CTTNBP2: variants seen among roughly 807,000 people sequenced by gnomAD.
CTTNBP2 encodes the protein cortactin binding protein 2, also known as cortactin-binding protein 2.
CTTNBP2 carries 108 observed loss-of-function variants against 156.9 expected under a neutral mutation model. The ratio of observed to expected loss-of-function variants is 0.69; its 90% confidence interval spans 0.59 to 0.81. CTTNBP2 has a LOEUF of 0.81. CTTNBP2 is among the 30% of genes least tolerant of loss of function. The pLI is 0.00. For synonymous variants in CTTNBP2, 767 were observed against 751.8 expected (o/e 1.02, Z -0.33); for missense variants, 1,924 against 2,035.4 (o/e 0.95, Z 1.05).
chr7:117,769,852 C>T (rs1584973042), intron 8 of CTTNBP2, among the ~76,000 whole-genome samples: 1 of 152,096 alleles, frequency 6.6e-6, no homozygotes, highest in South Asian at 2.1e-4. Context: ...AGGTAAGAGC[C>T]ACAACAGACC....
chr7:117,752,215 A>G lies in CTTNBP2; in HGVS notation c.3348+4340T>C, dbSNP rs538553892. ...ACTGGCATGGCACATATTGAAGTGAATGAAAAACAGGTAGAAGAAACTCAA... is the reference window on the plus strand; with the variant it reads ...ACTGGCATGGCACATATTGAAGTGAGTGAAAAACAGGTAGAAGAAACTCAA... On this transcript the variant is annotated intron_variant, in intron 12 of 22. Coordinates refer to ENST00000160373, the MANE Select transcript of CTTNBP2 (RefSeq NM_033427.3). 3.2e-4 allele frequency among the ~76,000 whole-genome samples: 48 copies of G among 152,278 alleles called. 1 individual carries two copies. In the South Asian group the frequency reaches 9.5e-3, roughly 30 times the overall value.
chr7:117,718,793 G>A (rs1384446747), intron 21 of CTTNBP2, among the ~76,000 whole-genome samples: 1 of 152,148 alleles, frequency 6.6e-6, no homozygotes, highest in African/African-American at 2.4e-5. Context: ...TATAACATAA[G>A]TCTGCTGTGA....
At chr7:117,864,680 A>C (rs904307217) in intron 1 of CTTNBP2, among the ~76,000 whole-genome samples, 1 of 107,026 alleles carries the variant, frequency 9.3e-6, no homozygotes, top group African/African-American at 2.9e-5. Context: ...TCATATATTT[A>C]TATATATTCA....
intron 14 of CTTNBP2, among the ~76,000 whole-genome samples, chr7:117,743,761 C>CAAAAA (rs556372208): frequency 0.011 from 216 of 19,626 alleles, 4 homozygotes; most frequent in Non-Finnish European, 0.013. Flanking sequence ...GACTCTGTCT[C>CAAAAA]AAAAAAAAAA....
At chr7:117,819,367 T>TCACACACA (rs71529472) in intron 2 of CTTNBP2, among the ~76,000 whole-genome samples, 76 of 130,694 alleles carry the variant, frequency 5.8e-4, no homozygotes, top group Non-Finnish European at 9.9e-4. Context: ...TCTCTCTCTC[T>TCACACACA]CACACACACA....
At chr7:117,797,075 A>G (rs1388959743) in intron 3 of CTTNBP2, among the ~76,000 whole-genome samples, 1 of 152,232 alleles carries the variant, frequency 6.6e-6, no homozygotes, top group Non-Finnish European at 1.5e-5. Flanking sequence ...GCTGGAGGCA[A>G]TTCCCTATTC....
Position 117,791,414 on chromosome 7 carries a change from C to G in CTTNBP2, c.1782G>C (p.Gly594=). ...VASTPSSLPQ[G]NRVINEENLP... is the part of the protein sequence containing the mutation. ...GGTTCTCCTCATTGATCACCCTGTT[C>G]CCTTGTGGCAAACTGGAAGGAGTCG... The change falls in exon 4 of 23, where the codon GGG becomes GGC. Residue 594 remains glycine, a synonymous_variant. Transcript: ENST00000160373. The G allele has an allele frequency of 6.2e-7, 1 of 1,614,166 alleles. No individual in the cohort carries two copies. The highest frequency in any genetic ancestry group is 8.5e-7 in the Non-Finnish European group (1 of 1,180,036).
chr7:117,872,939 C>T (rs970274319), intron 1 of CTTNBP2, among the ~76,000 whole-genome samples: 2 of 152,126 alleles, frequency 1.3e-5, no homozygotes, highest in African/African-American at 2.4e-5. Flanking sequence ...CTGGCAACCA[C>T]GCGCGCAGCG....
intron 22 of CTTNBP2, among the ~76,000 whole-genome samples, chr7:117,715,559 G>A (rs1794305935): frequency 6.6e-6 from 1 of 150,568 alleles, no homozygotes; most frequent in Admixed American, 6.6e-5. Context: ...GGATTAGTTT[G>A]GATTTACATA....
chr7:117,721,104 G>C lies in CTTNBP2; in HGVS notation c.4474C>G (p.Leu1492Val), dbSNP rs1794765176. 1 of 1,604,728 alleles carries C rather than the reference G, an allele frequency of 6.2e-7. No homozygotes were observed. Among genetic ancestry groups the C allele is most frequent in the Non-Finnish European group, 8.5e-7 (1 of 1,171,618 alleles). The change falls in exon 20 of 23, where the codon CTG (leucine) becomes GTG (valine). Residue 1492 changes from leucine (L) to valine (V), a missense_variant. Transcript: ENST00000160373. ...AGAGAAGCATTCCTGTTACAATTCA[G>C]CTGTGATATAGTCTTATTTTTCATA... ...EGMKNKTISQ[L>V]NCNRNASLSK...
intron 2 of CTTNBP2, among the ~76,000 whole-genome samples, chr7:117,813,188 T>C (rs1800388422): frequency 6.6e-6 from 1 of 152,216 alleles, no homozygotes; most frequent in Admixed American, 6.5e-5. Context: ...ATGAAGTGCC[T>C]GGTGATTTCT....
intron 1 of CTTNBP2, among the ~76,000 whole-genome samples, chr7:117,865,677 A>C (rs1242949166): frequency 2.1e-5 from 3 of 145,966 alleles, no homozygotes; most frequent in Admixed American, 6.7e-5. Context: ...TCTCCAAAAA[A>C]AAAAAAAAAA....
At chr7:117,821,011 T>A (rs2117025861) in intron 2 of CTTNBP2, among the ~76,000 whole-genome samples, 1 of 152,328 alleles carries the variant, frequency 6.6e-6, no homozygotes, top group South Asian at 2.1e-4. Flanking sequence ...GCAAAGAAAT[T>A]ATTTAAATTT....
At chr7:117,867,745 G>T (rs764178117) in intron 1 of CTTNBP2, among the ~76,000 whole-genome samples, 1 of 152,164 alleles carries the variant, frequency 6.6e-6, no homozygotes, top group Non-Finnish European at 1.5e-5. Context: ...TAGGGAAGCT[G>T]CTTGATGTTC....
chr7:117,718,232 C>A, intron 21 of CTTNBP2, 113 bp from the exon 22 acceptor site: 1 of 653,504 alleles, frequency 1.5e-6, no homozygotes, highest in East Asian at 2.8e-5. Context: ...ATCCTCTTCC[C>A]TGCCCCTCAA....
chr7:117,777,891 A>G, intron 7 of CTTNBP2, 126 bp from the exon 8 acceptor site: 2 of 841,738 alleles, frequency 2.4e-6, no homozygotes, highest in East Asian at 2.4e-5. Context: ...CAGGCATTCC[A>G]ATCCTGAACA....
chr7:117,762,666 G>C (rs774255165), intron 9 of CTTNBP2, among the ~76,000 whole-genome samples: 1 of 152,174 alleles, frequency 6.6e-6, no homozygotes, highest in Non-Finnish European at 1.5e-5. Flanking sequence ...AAAGCAGCCA[G>C]TGCTACTGTT....
intron 3 of CTTNBP2, among the ~76,000 whole-genome samples, chr7:117,806,544 A>T (rs546358237): frequency 1.3e-5 from 2 of 152,132 alleles, no homozygotes; most frequent in African/African-American, 2.4e-5. Context: ...AAACAAATAC[A>T]TAACAACAAG....
intron 3 of CTTNBP2, among the ~76,000 whole-genome samples, chr7:117,793,928 ACCAC>A (rs1799174348): frequency 6.6e-6 from 1 of 152,078 alleles, no homozygotes. Context: ...GCCTTCCCTC[ACCAC>A]CCTGTGGGAA....
Sources: gnomAD v4.1 joint callset for allele counts (sites outside exome capture counted in the v4.1 genomes callset) on GRCh38, gnomAD v4.1.1 for gene constraint, MANE v1.5 for transcripts, NCBI Gene and HGNC (gene_info 2026-07-23, HGNC 2026-07-21) for gene names.